RALYL: variants seen among roughly 807,000 people sequenced by gnomAD.
RALYL encodes the protein RALY RNA binding protein like.
In RALYL, 29 loss-of-function variants were observed where a neutral mutation model predicts 35.1. The ratio of observed to expected loss-of-function variants is 0.83; its 90% CI spans 0.61 to 1.13. The LOEUF (loss-of-function observed/expected upper bound fraction) is 1.13, where lower values mean the gene tolerates loss of function less well. RALYL is among the 50% of genes most tolerant of loss of function. The pLI is 0.00. For missense variants in RALYL, 359 were observed against 360.4 expected (o/e 1.00, Z 0.03); for synonymous variants, 120 against 127.6 (o/e 0.94, Z 0.40).
intron 2 of RALYL, among the ~76,000 whole-genome samples, chr8:84,767,805 C>T (rs1412821742): frequency 6.6e-6 from 1 of 152,164 alleles, no homozygotes; most frequent in East Asian, 1.9e-4. Flanking sequence ...AATCCTCACT[C>T]AGAAGAACAT....
chr8:84,675,038 C>A (rs1833934757), intron 2 of RALYL, among the ~76,000 whole-genome samples: 1 of 150,946 alleles, frequency 6.6e-6, no homozygotes, highest in Admixed American at 6.6e-5. Flanking sequence ...GCTCTGAGTT[C>A]TTAAAAATGT....
chr8:84,824,808 A>AT (rs1289578373), intron 4 of RALYL, among the ~76,000 whole-genome samples: 1 of 152,190 alleles, frequency 6.6e-6, no homozygotes, highest in Non-Finnish European at 1.5e-5. Flanking sequence ...CTGGCTAACC[A>AT]TATGCAGAAG....
At chr8:84,308,204 A>G (rs6982707) in intron 1 of RALYL, among the ~76,000 whole-genome samples, 2,740 of 152,236 alleles carry the variant, frequency 0.018, 83 homozygotes, top group African/African-American at 0.062. Flanking sequence ...GAGAAGAAAA[A>G]TACTTACAAA....
intron 8 of RALYL, among the ~76,000 whole-genome samples, chr8:84,888,719 T>G (rs947743772): frequency 1.3e-5 from 2 of 152,176 alleles, no homozygotes; most frequent in South Asian, 2.1e-4. Flanking sequence ...CTGTTAAAAT[T>G]TATGGCACCT....
chr8:84,909,139 G>A (rs79484312), intron 8 of RALYL, among the ~76,000 whole-genome samples: 3,855 of 152,114 alleles, frequency 0.025, 151 homozygotes, highest in African/African-American at 0.088. Context: ...ATCAAAATAG[G>A]ATATTGCCTT....
At chr8:84,197,467 T>C (rs1815607842) in intron 1 of RALYL, among the ~76,000 whole-genome samples, 1 of 152,210 alleles carries the variant, frequency 6.6e-6, no homozygotes, top group Admixed American at 6.5e-5. Flanking sequence ...TATTTACATT[T>C]TTGAGATGAA....
At chr8:84,851,989 A>C (rs1057205384) in intron 5 of RALYL, among the ~76,000 whole-genome samples, 2 of 151,990 alleles carry the variant, frequency 1.3e-5, no homozygotes, top group Non-Finnish European at 2.9e-5. Flanking sequence ...CTATCAGTAA[A>C]CCTCACACAT....
rs74903481 is a variant in RALYL at position 84,378,239 on chromosome 8, G to A, written c.-23-151060G>A. On this transcript the variant is annotated intron_variant, in intron 1 of 8. Transcript: ENST00000521268. ...TTAATGTGTGCCAATAAAGTTATAAGGTCAGCCATTTGGAGCTATCTCTGG... is the reference window on the plus strand; with the variant it reads ...TTAATGTGTGCCAATAAAGTTATAAAGTCAGCCATTTGGAGCTATCTCTGG... Among the ~76,000 whole-genome samples the A allele has an allele frequency of 6.4e-3, 972 of 151,990 alleles. 6 individuals are homozygous for A. Among genetic ancestry groups the A allele is most frequent in the Non-Finnish European group, 9.0e-3 (614 of 67,900 alleles).
chr8:84,599,657 G>GA (rs934259783), intron 2 of RALYL, among the ~76,000 whole-genome samples: 13 of 151,730 alleles, frequency 8.6e-5, no homozygotes, highest in African/African-American at 1.9e-4. Context: ...TTGCTAATGA[G>GA]AAAAAAATAT....
chr8:84,686,588 A>G (rs1564373520), intron 2 of RALYL, among the ~76,000 whole-genome samples: 1 of 152,016 alleles, frequency 6.6e-6, no homozygotes, highest in African/African-American at 2.4e-5. Context: ...TATTTTTAGT[A>G]GAGACTGGGT....
rs1056215869 is a variant in RALYL at position 84,686,819 on chromosome 8, G to A, written c.257-87760G>A. 3.9e-5 allele frequency among the ~76,000 whole-genome samples: 6 copies of A among 151,900 alleles called. No individual in the cohort carries two copies. In the South Asian group the frequency reaches 6.2e-4, roughly 16 times the overall value. The stretch of plus-strand genomic sequence containing the variant: ...TTTATTTCTTATTCCCCCCAATGAC[G>A]GGAAAAATAATTTGACTTCATTTGA... On this transcript the variant is annotated intron_variant, in intron 2 of 8. Transcript: ENST00000521268.
intron 2 of RALYL, among the ~76,000 whole-genome samples, chr8:84,641,596 G>A (rs1339165736): frequency 6.6e-6 from 1 of 151,678 alleles, no homozygotes; most frequent in Admixed American, 6.6e-5. Flanking sequence ...AGTTGATCTA[G>A]ATTACTTTTG....
intron 3 of RALYL, among the ~76,000 whole-genome samples, chr8:84,793,649 A>C (rs895181175): frequency 1.3e-5 from 2 of 152,194 alleles, no homozygotes. Context: ...AGTCACTTGG[A>C]GCTTCCAACA....
intron 1 of RALYL, among the ~76,000 whole-genome samples, chr8:84,207,366 A>G (rs925328513): frequency 6.6e-6 from 1 of 152,178 alleles, no homozygotes; most frequent in African/African-American, 2.4e-5. Flanking sequence ...GTTATATATC[A>G]ATGAAATATT....
chr8:84,487,261 A>G (rs1443007686), intron 1 of RALYL, among the ~76,000 whole-genome samples: 1 of 152,102 alleles, frequency 6.6e-6, no homozygotes, highest in Non-Finnish European at 1.5e-5. Context: ...TTTCAGAAAA[A>G]TAATTTTTCA....
chr8:84,334,056 G>A (rs564826833), intron 1 of RALYL, among the ~76,000 whole-genome samples: 1 of 151,762 alleles, frequency 6.6e-6, no homozygotes, highest in East Asian at 1.9e-4. Flanking sequence ...AGCTAAATTT[G>A]TATTTTTTGT....
chr8:84,828,759 A>T (rs1272877351), intron 4 of RALYL: 1 of 165,008 alleles, frequency 6.1e-6, no homozygotes, highest in East Asian at 1.9e-4. Flanking sequence ...TGCTAACAAC[A>T]TCTACTCTTT....
chr8:84,347,530 C>A (rs1447627557), intron 1 of RALYL, among the ~76,000 whole-genome samples: 2 of 151,952 alleles, frequency 1.3e-5, no homozygotes, highest in Non-Finnish European at 2.9e-5. Context: ...GGTTAATATC[C>A]TGTTCTTCTT....
At chr8:84,629,161 T>C (rs1823395770) in intron 2 of RALYL, among the ~76,000 whole-genome samples, 1 of 152,080 alleles carries the variant, frequency 6.6e-6, no homozygotes, top group Non-Finnish European at 1.5e-5. Flanking sequence ...CACCTTCTAA[T>C]ATACTAGGTA....
Sources: allele counts gnomAD v4.1 joint callset (sites outside exome capture counted in the v4.1 genomes callset), GRCh38; gene constraint gnomAD v4.1.1; transcripts MANE v1.5; gene names NCBI Gene and HGNC (gene_info 2026-07-23, HGNC 2026-07-21).